ATG3: variants seen among roughly 807,000 people sequenced by gnomAD.
The protein encoded by ATG3 is autophagy related 3.
A neutral mutation model predicts 50.7 loss-of-function variants in ATG3; 25 were observed. The observed-to-expected ratio is 0.49, with a 90% CI of 0.36 to 0.69. ATG3 has a LOEUF of 0.69. Among genes scored for constraint, ATG3 ranks in the 30% least tolerant of loss-of-function variants. ATG3 has a pLI of 0.00. For synonymous variants in ATG3, 119 were observed against 125.5 expected, an observed-to-expected ratio of 0.95 and a Z score of 0.34; for missense variants, 281 against 376.0, an observed-to-expected ratio of 0.75 and a Z score of 2.09.
Position 112,541,814 on chromosome 3 carries a change from G to A in ATG3, c.464C>T (p.Ala155Val), listed in dbSNP as rs1559844049. The A allele has an allele frequency of 6.2e-7, 1 of 1,611,254 alleles. No homozygotes were observed. ...TAGAACAGGAATACCTTCCATATCT[G>A]CAGCTTCTCCTTCATCTTCATCTTC... The part of the protein sequence containing the change: ...EEEDEDEGEA[A>V]DMEEYEESGL... Residue 155 changes from alanine (A) to valine (V), a missense_variant, in exon 7 of 12, where the codon GCA becomes GTA. Physicochemically the swap from Ala to Val is moderately conservative, Grantham distance 64 (BLOSUM62 0). Coordinates refer to ENST00000283290, the MANE Select transcript of ATG3 (RefSeq NM_022488.5).
At chr3:112,538,118 TTAAC>T (rs1933123471) in intron 8 of ATG3, 24 bp downstream of exon 8, 13 of 1,521,792 alleles carry the variant, frequency 8.5e-6, no homozygotes, top group Non-Finnish European at 1.1e-5. Flanking sequence ...CCATTAAAAA[TTAAC>T]TAAAGAAAAC....
intron 7 of ATG3, among the ~76,000 whole-genome samples, chr3:112,540,612 T>TCTAC (rs1393956353): frequency 6.8e-6 from 1 of 147,978 alleles, no homozygotes; most frequent in Non-Finnish European, 1.5e-5. Context: ...AATCTGGGAG[T>TCTAC]ACAGAGAGTA....
At chr3:112,533,129 A>C in intron 11 of ATG3, 1 of 998,774 alleles carries the variant, frequency 1.0e-6, no homozygotes, top group South Asian at 4.4e-5. Context: ...GTTATGTCAG[A>C]AAATGAGGCA....
chr3:112,549,800 A>AT (rs1451582755), intron 4 of ATG3, among the ~76,000 whole-genome samples: 1 of 105,860 alleles, frequency 9.4e-6, no homozygotes, highest in Non-Finnish European at 1.7e-5. Flanking sequence ...AAAACAACCA[A>AT]AAAAAAAAAA....
At chr3:112,553,083 CAT>C (rs1268383139) in intron 3 of ATG3, among the ~76,000 whole-genome samples, 195 bp downstream of exon 3, 1 of 152,170 alleles carries the variant, frequency 6.6e-6, no homozygotes, top group Non-Finnish European at 1.5e-5. Flanking sequence ...ATTGTGCTAA[CAT>C]AGCCAAATAA....
chr3:112,533,300 A>G, intron 11 of ATG3: 2 of 984,728 alleles, frequency 2.0e-6, no homozygotes, highest in Non-Finnish European at 2.4e-6. Flanking sequence ...CATTGCACTT[A>G]AAAACATTAG....
chr3:112,557,730 G>A (rs1478225173), intron 2 of ATG3, among the ~76,000 whole-genome samples: 1 of 152,020 alleles, frequency 6.6e-6, no homozygotes, highest in Non-Finnish European at 1.5e-5. Flanking sequence ...CTTAACAGCA[G>A]CAGCCTTATC....
chr3:112,534,481 C>T (rs1250763010), intron 10 of ATG3, 144 bp from the exon 11 acceptor site: 9 of 443,056 alleles, frequency 2.0e-5, no homozygotes, highest in Non-Finnish European at 3.4e-5. Context: ...ATCTCCCCCA[C>T]CACTCCCCAA....
At chr3:112,534,607 T>C (rs1487373777) in intron 10 of ATG3, 3 of 194,530 alleles carry the variant, frequency 1.5e-5, no homozygotes, top group Non-Finnish European at 3.1e-5. Flanking sequence ...GGGGAGGGCA[T>C]AATCTTAAAA....
At chr3:112,536,389 G>A in intron 10 of ATG3, 86 bp downstream of exon 10, 1 of 1,509,010 alleles carries the variant, frequency 6.6e-7, no homozygotes, top group Non-Finnish European at 9.1e-7. Context: ...TTTCTGTTAG[G>A]GTTCTATGTT....
chr3:112,561,066 C>G (rs1175503518), intron 1 of ATG3, among the ~76,000 whole-genome samples: 1 of 152,202 alleles, frequency 6.6e-6, no homozygotes, highest in African/African-American at 2.4e-5. Flanking sequence ...CTTTTGACCT[C>G]TGTGTGTCAA....
chr3:112,549,800 A>C (rs960126058), intron 4 of ATG3, among the ~76,000 whole-genome samples: 4 of 105,872 alleles, frequency 3.8e-5, no homozygotes, highest in African/African-American at 2.1e-4. Context: ...AAAACAACCA[A>C]AAAAAAAAAA....
intron 5 of ATG3, among the ~76,000 whole-genome samples, chr3:112,547,469 G>A (rs1041114682): frequency 6.6e-6 from 1 of 152,186 alleles, no homozygotes; most frequent in Non-Finnish European, 1.5e-5. Flanking sequence ...CTCAAAGGGA[G>A]AAAAATTTGT....
chr3:112,536,291 G>GTTTAAGT (rs1553737123), intron 10 of ATG3, 184 bp downstream of exon 10: 4 of 653,518 alleles, frequency 6.1e-6, no homozygotes, highest in African/African-American at 5.6e-5. Flanking sequence ...AAATTGGTAA[G>GTTTAAGT]TTTTTTTTCC....
intron 1 of ATG3, among the ~76,000 whole-genome samples, chr3:112,560,477 T>C (rs559774349): frequency 6.6e-6 from 1 of 152,282 alleles, no homozygotes; most frequent in East Asian, 1.9e-4. Flanking sequence ...CCCTTTGTCA[T>C]GGAAAGGGAG....
chr3:112,538,412 A>T (rs1933134696), intron 7 of ATG3: 3 of 448,054 alleles, frequency 6.7e-6, no homozygotes, highest in Admixed American at 4.3e-5. Context: ...TAGAGTCCTC[A>T]GTGGCTCCAC....
chr3:112,547,860 T>C (rs558323841), intron 5 of ATG3, among the ~76,000 whole-genome samples: 2 of 152,318 alleles, frequency 1.3e-5, no homozygotes, highest in South Asian at 2.1e-4. Flanking sequence ...TCTGGGTAAA[T>C]GTGAATACAG....
chr3:112,556,049 A>T (rs1933661336), intron 2 of ATG3, among the ~76,000 whole-genome samples: 1 of 150,788 alleles, frequency 6.6e-6, no homozygotes, highest in Non-Finnish European at 1.5e-5. Context: ...TTGATTTCAG[A>T]TAAAGAGCCA....
rs1158660353 is a variant in ATG3, at chr3:112,544,649, C to T, written c.344-543G>A. ...AGCCTGGGCGACAAGAGCGAAACTCCGTCTCAGGGAAAAAAAAAAAAGGAA... is the reference window on the plus strand; with the variant it reads ...AGCCTGGGCGACAAGAGCGAAACTCTGTCTCAGGGAAAAAAAAAAAAGGAA... On this transcript the variant is annotated intron_variant, in intron 5 of 11. Transcript: ENST00000283290. Among the ~76,000 whole-genome samples the T allele has an allele frequency of 1.6e-3, 13 of 8,160 alleles. No homozygotes were observed. The East Asian group carries it at 0.024, about 15-fold the overall frequency. 5.4% of individuals were successfully genotyped at this position (8,160 alleles called of 152,430 possible). A position where few individuals can be genotyped will look rare whatever the true frequency, so the allele number is the denominator to read the frequency against.
Sources: gnomAD v4.1 joint callset for allele counts (sites outside exome capture counted in the v4.1 genomes callset) on GRCh38, gnomAD v4.1.1 for gene constraint, MANE v1.5 for transcripts, NCBI Gene and HGNC (gene_info 2026-07-23, HGNC 2026-07-21) for gene names.